Variants in KCNMA1 observed in about 807,000 individuals in gnomAD.
The protein encoded by KCNMA1 is Calcium-activated potassium channel subunit alpha-1.
KCNMA1 carries 29 observed loss-of-function variants against 140.0 expected under a neutral mutation model. The ratio of observed to expected loss-of-function variants is 0.21; its 90% confidence interval spans 0.15 to 0.28. KCNMA1 has a LOEUF of 0.28. Ranked by LOEUF, KCNMA1 falls within the 10% of genes least tolerant of loss-of-function variation. KCNMA1 has a pLI of 1.00. For synonymous variants in KCNMA1, 612 were observed against 611.9 expected (o/e 1.00, Z 0.00); for missense variants, 880 against 1,602.2 (o/e 0.55, Z 7.70).
At chr10:77,571,581 C>G (rs1227579347) in intron 1 of KCNMA1, among the ~76,000 whole-genome samples, 2 of 152,202 alleles carry the variant, frequency 1.3e-5, no homozygotes, top group East Asian at 3.9e-4. Context: ...CTTTGCCCCC[C>G]TGCAGATGTC....
chr10:77,272,016 A>G (rs1274115122), intron 2 of KCNMA1, among the ~76,000 whole-genome samples: 2 of 152,146 alleles, frequency 1.3e-5, no homozygotes, highest in Non-Finnish European at 2.9e-5. Context: ...TTTCCTGACT[A>G]TCCTTTCTAA....
At chr10:77,146,874 C>A (rs944932223) in intron 5 of KCNMA1, among the ~76,000 whole-genome samples, 17 of 152,170 alleles carry the variant, frequency 1.1e-4, no homozygotes, top group Non-Finnish European at 2.4e-4. Context: ...GAAGTCCCTG[C>A]ACTTGGCCTC....
intron 2 of KCNMA1, among the ~76,000 whole-genome samples, chr10:77,291,413 A>G (rs1398868639): frequency 1.3e-5 from 2 of 152,204 alleles, no homozygotes; most frequent in East Asian, 3.9e-4. Flanking sequence ...CAGCAAGAAG[A>G]AAAAGGAAGA....
intron 3 of KCNMA1, among the ~76,000 whole-genome samples, chr10:77,216,088 C>T (rs1046221705): frequency 2.0e-5 from 3 of 152,004 alleles, no homozygotes; most frequent in African/African-American, 7.3e-5. Context: ...CACAAAAAGC[C>T]ACATATTACA....
chr10:77,581,899 G>T (rs929273627), intron 1 of KCNMA1, among the ~76,000 whole-genome samples: 1 of 152,218 alleles, frequency 6.6e-6, no homozygotes, highest in Non-Finnish European at 1.5e-5. Flanking sequence ...TTTTAGGAAG[G>T]GTAGGAGACA....
chr10:77,274,543 T>A (rs1323580283), intron 2 of KCNMA1, among the ~76,000 whole-genome samples: 1 of 152,184 alleles, frequency 6.6e-6, no homozygotes, highest in Non-Finnish European at 1.5e-5. Flanking sequence ...TGCTCACTGT[T>A]AATTTATTGC....
intron 2 of KCNMA1, among the ~76,000 whole-genome samples, chr10:77,318,089 G>A (rs625148): frequency 0.64 from 97,992 of 151,960 alleles, 33,178 homozygotes; most frequent in Non-Finnish European, 0.76. Flanking sequence ...ATACTATCTC[G>A]TGTAATTACC....
At chr10:77,405,823 G>A (rs537030289) in intron 1 of KCNMA1, among the ~76,000 whole-genome samples, 58 of 152,302 alleles carry the variant, frequency 3.8e-4, no homozygotes, top group African/African-American at 1.4e-3. Flanking sequence ...GACAAAGGGG[G>A]CGGGGCAGAG....
At chr10:77,026,365 T>G (rs1041481041) in intron 16 of KCNMA1, among the ~76,000 whole-genome samples, 4 of 152,212 alleles carry the variant, frequency 2.6e-5, no homozygotes, top group Non-Finnish European at 5.9e-5. Context: ...AACACTGAGT[T>G]ACACAAAGAT....
At chr10:77,468,405 C>T (rs1420691895) in intron 1 of KCNMA1, among the ~76,000 whole-genome samples, 1 of 152,124 alleles carries the variant, frequency 6.6e-6, no homozygotes, top group Non-Finnish European at 1.5e-5. Context: ...ATGCCCAGTA[C>T]CTCAGAATGG....
At chr10:77,257,720 C>T (rs2061091593) in intron 2 of KCNMA1, among the ~76,000 whole-genome samples, 1 of 152,098 alleles carries the variant, frequency 6.6e-6, no homozygotes, top group Non-Finnish European at 1.5e-5. Flanking sequence ...GGGTCTTTCC[C>T]ATGCTGTTCC....
intron 2 of KCNMA1, among the ~76,000 whole-genome samples, chr10:77,265,951 G>T (rs1193120120): frequency 6.6e-6 from 1 of 151,804 alleles, no homozygotes; most frequent in African/African-American, 2.4e-5. Flanking sequence ...TGCAGTGGTG[G>T]GCACCTGTAA....
chr10:77,614,957 T>G (rs1359998179), intron 1 of KCNMA1, among the ~76,000 whole-genome samples: 2 of 152,114 alleles, frequency 1.3e-5, no homozygotes, highest in African/African-American at 4.8e-5. Flanking sequence ...AAAGGGAGTG[T>G]GAAGTGGAAA....
chr10:77,154,705 G>C (rs937249938), intron 5 of KCNMA1, among the ~76,000 whole-genome samples: 1 of 152,172 alleles, frequency 6.6e-6, no homozygotes, highest in African/African-American at 2.4e-5. Context: ...GCACCTGCTG[G>C]TGCCTGGCAT....
At chr10:77,604,695 C>A (rs1036938351) in intron 1 of KCNMA1, among the ~76,000 whole-genome samples, 29 of 151,784 alleles carry the variant, frequency 1.9e-4, no homozygotes, top group Middle Eastern at 3.4e-3. Flanking sequence ...CCCCGCCCCC[C>A]AAAAAAAAGA....
intron 5 of KCNMA1, among the ~76,000 whole-genome samples, chr10:77,125,983 C>T (rs912707916): frequency 2.6e-5 from 4 of 152,246 alleles, no homozygotes; most frequent in Non-Finnish European, 4.4e-5. Flanking sequence ...AAAGCCTTAA[C>T]GAATGACCAC....
At chr10:77,299,593 C>T (rs993220538) in intron 2 of KCNMA1, among the ~76,000 whole-genome samples, 3 of 152,146 alleles carry the variant, frequency 2.0e-5, no homozygotes, top group African/African-American at 7.2e-5. Context: ...CTTTCCATTA[C>T]CCAGGTTGTT....
At chr10:77,590,521 G>A (rs2078774456) in intron 1 of KCNMA1, among the ~76,000 whole-genome samples, 1 of 152,224 alleles carries the variant, frequency 6.6e-6, no homozygotes, top group Admixed American at 6.5e-5. Context: ...CGGAACTCGC[G>A]CTGGCCCGCA....
chr10:77,028,504 C>T (rs1056589269), intron 15 of KCNMA1, among the ~76,000 whole-genome samples: 23 of 152,122 alleles, frequency 1.5e-4, no homozygotes, highest in East Asian at 1.9e-4. Flanking sequence ...TTCCCTTGTG[C>T]GTTCCCCACT....
Sources: allele counts gnomAD v4.1 joint callset (sites outside exome capture counted in the v4.1 genomes callset), GRCh38; gene constraint gnomAD v4.1.1; transcripts MANE v1.5; gene names NCBI Gene and HGNC (gene_info 2026-07-23, HGNC 2026-07-21).